SAMHD1: variants seen among roughly 807,000 people sequenced by gnomAD.
The protein encoded by SAMHD1 is deoxynucleoside triphosphate triphosphohydrolase SAMHD1.
SAMHD1 carries 54 observed loss-of-function variants against 79.6 expected under a neutral mutation model. That is an observed-to-expected ratio of 0.68 (90% CI 0.55 to 0.85). SAMHD1 has a LOEUF of 0.85. SAMHD1 is among the 40% of genes least tolerant of loss of function. The probability of loss-of-function intolerance (pLI) is 0.00; values close to 1 mark genes in which losing one functional copy is unlikely to be tolerated. For synonymous variants in SAMHD1, 260 were observed against 264.1 expected, an observed-to-expected ratio of 0.98 and a Z score of 0.15; for missense variants, 663 against 782.7, an observed-to-expected ratio of 0.85 and a Z score of 1.82.
intron 9 of SAMHD1, 186 bp downstream of exon 9, chr20:36,916,535 TG>T (rs2063476862): frequency 1.8e-6 from 1 of 563,726 alleles, no homozygotes; most frequent in African/African-American, 1.9e-5. Context: ...ACTTAATAAA[TG>T]TCCATGTTAA....
At chr20:36,904,458 T>C in intron 12 of SAMHD1, 1 of 517,878 alleles carries the variant, frequency 1.9e-6, no homozygotes, top group Non-Finnish European at 3.5e-6. Context: ...GTGGCTCACG[T>C]CTATAATCCC....
chr20:36,893,082 A>T lies in SAMHD1; in HGVS notation c.1747-16T>A, dbSNP rs749714514. 5.0e-6 allele frequency: 8 copies of T among 1,611,832 alleles called. No individual in the cohort carries two copies. Among genetic ancestry groups the T allele is most frequent in the Non-Finnish European group, 6.8e-6 (8 of 1,180,002 alleles). Reference sequence around the variant, plus strand: ...CATCGCCATCCTATTAGGAAGAGAGAGAAAAACAGGCAATAGAGAAAAGCC... The same window carrying T: ...CATCGCCATCCTATTAGGAAGAGAGTGAAAAACAGGCAATAGAGAAAAGCC... On this transcript the variant is annotated splice_polypyrimidine_tract_variant and intron_variant, in intron 15 of 15. Coordinates refer to ENST00000646673, the MANE Select transcript of SAMHD1 (RefSeq NM_015474.4).
chr20:36,931,528 T>C (rs941689660), intron 4 of SAMHD1, among the ~76,000 whole-genome samples: 5 of 152,076 alleles, frequency 3.3e-5, no homozygotes, highest in Admixed American at 2.6e-4. Context: ...TCCCAGCTAT[T>C]TGGGAGGCTG....
rs558074776 is a variant in SAMHD1, at chr20:36,935,481, C to T, written c.349-292G>A. ...ATGACTTAGTCTTTAATAAGTTTGT[C>T]TTGTATTCAAGTTAAACATGCATAT... is the stretch of plus-strand genomic sequence containing the variant. On this transcript the variant is annotated intron_variant, in intron 3 of 15. Transcript: ENST00000646673. 24 of 401,772 alleles carry T rather than the reference C, an allele frequency of 6.0e-5. No homozygotes were observed. In the Admixed American group the frequency reaches 8.6e-4, roughly 14 times the overall value. The allele number at this position is 401,772 out of a possible 1,614,324, so 24.9% of individuals were successfully genotyped here.
intron 6 of SAMHD1, among the ~76,000 whole-genome samples, chr20:36,923,591 G>C (rs1482653925): frequency 3.3e-5 from 5 of 152,018 alleles, no homozygotes; most frequent in Admixed American, 6.6e-5. Context: ...AGGAACTTAG[G>C]AGTAAGTATA....
intron 13 of SAMHD1, among the ~76,000 whole-genome samples, chr20:36,899,018 G>A (rs1267009068): frequency 5.9e-5 from 9 of 151,604 alleles, no homozygotes; most frequent in Admixed American, 4.6e-4. Context: ...TAACTGGTTC[G>A]TGACCACTCT....
chr20:36,951,187 G>A (rs2146159946), intron 1 of SAMHD1, among the ~76,000 whole-genome samples: 1 of 152,242 alleles, frequency 6.6e-6, no homozygotes, highest in East Asian at 1.9e-4. Context: ...TTCTTCCTCC[G>A]CCTCGGGGAG....
Position 36,891,694 on chromosome 20 carries a change from C to CTT in SAMHD1, c.*1236_*1237dup. On this transcript the variant is annotated 3_prime_UTR_variant, in exon 16 of 16. Transcript: ENST00000646673. ...CAGCACAGGCAGTGCAGTGTTTGTG[C>CTT]TTTTTTTTTTGGAGATGGAGTCTCA... 1 of 148,572 alleles carries CTT rather than the reference C, an allele frequency of 6.7e-6. No individual in the cohort carries two copies. Among genetic ancestry groups the CTT allele is most frequent in the East Asian group, 2.0e-4 (1 of 5,102 alleles). The allele number at this position is 148,572 out of a possible 1,614,324, so 9.2% of individuals were successfully genotyped here. A position where few individuals can be genotyped will look rare whatever the true frequency, so the allele number is the denominator to read the frequency against.
chr20:36,939,596 A>G (rs2146143086), intron 3 of SAMHD1, among the ~76,000 whole-genome samples: 1 of 118,728 alleles, frequency 8.4e-6, no homozygotes, highest in East Asian at 2.5e-4. Context: ...CTCCATCTCA[A>G]AAAAAGAAAG....
Position 36,919,430 on chromosome 20 carries a change from T to G in SAMHD1, c.786A>C (p.Glu262Asp). 6.2e-7 allele frequency: 1 copy of G among 1,613,414 alleles called. No homozygotes were observed. Among genetic ancestry groups the G allele is most frequent in the Non-Finnish European group, 8.5e-7 (1 of 1,179,486 alleles). The change falls in exon 7 of 16, where the codon GAA (glutamate) becomes GAC (aspartate). Residue 262 changes from glutamate (E) to aspartate (D), a missense_variant. By Grantham distance (45) the Glu-to-Asp change is conservative. Transcript: ENST00000646673. ...GTTCCTTTATAAAGCAAATATCTTC[T>G]TCAGGGATGAGACCATATTGTTCCA... The part of the protein sequence containing the change: ...PVMEQYGLIP[E>D]EDICFIKEQI...
At chr20:36,933,070 T>C (rs2063577954) in intron 4 of SAMHD1, among the ~76,000 whole-genome samples, 1 of 152,200 alleles carries the variant, frequency 6.6e-6, no homozygotes. Flanking sequence ...AGGCGATTGT[T>C]ATCTTTTTGT....
intron 9 of SAMHD1, among the ~76,000 whole-genome samples, chr20:36,914,230 A>T (rs1247673905): frequency 6.6e-6 from 1 of 152,176 alleles, no homozygotes; most frequent in Non-Finnish European, 1.5e-5. Flanking sequence ...TGAGACAGTA[A>T]GACCAATCCC....
At chr20:36,924,647 G>A (rs181093057) in intron 6 of SAMHD1, among the ~76,000 whole-genome samples, 3 of 152,252 alleles carry the variant, frequency 2.0e-5, no homozygotes, top group East Asian at 1.9e-4. Context: ...TCAAGGGGGC[G>A]TGACATGATT....
chr20:36,928,699 A>AG (rs2063550749), intron 5 of SAMHD1, among the ~76,000 whole-genome samples: 1 of 150,396 alleles, frequency 6.6e-6, no homozygotes, highest in Non-Finnish European at 1.5e-5. Flanking sequence ...AAAAAAAAAA[A>AG]GAAAATCCAC....
intron 4 of SAMHD1, among the ~76,000 whole-genome samples, chr20:36,933,324 T>C (rs933808374): frequency 2.0e-5 from 3 of 152,180 alleles, no homozygotes; most frequent in Non-Finnish European, 4.4e-5. Flanking sequence ...AACAGAGGCA[T>C]CGCCTTCTCT....
intron 7 of SAMHD1, among the ~76,000 whole-genome samples, chr20:36,918,814 AAAAAAAAAAAGAAAG>A (rs2146118850): frequency 6.7e-6 from 1 of 150,168 alleles, no homozygotes; most frequent in South Asian, 2.1e-4. Context: ...AAAAAAAAAA[AAAAAAAAAAAGAAAG>A]AAAGAAAGAA....
chr20:36,897,576 A>ATGT, intron 15 of SAMHD1: 1 of 553,196 alleles, frequency 1.8e-6, no homozygotes, highest in Middle Eastern at 5.0e-4. Flanking sequence ...CATTATTTAC[A>ATGT]TGTTCACATT....
chr20:36,919,950 A>C (rs905436604), intron 6 of SAMHD1, among the ~76,000 whole-genome samples: 3 of 152,064 alleles, frequency 2.0e-5, no homozygotes, highest in African/African-American at 4.8e-5. Context: ...AAAAACAAAG[A>C]TCTCCCTTGA....
intron 13 of SAMHD1, among the ~76,000 whole-genome samples, chr20:36,899,307 G>A (rs913587981): frequency 6.6e-6 from 1 of 151,358 alleles, no homozygotes; most frequent in Non-Finnish European, 1.5e-5. Flanking sequence ...GTGCACCTGT[G>A]GTTCAAGCTA....
Sources: allele counts gnomAD v4.1 joint callset (sites outside exome capture counted in the v4.1 genomes callset), GRCh38; gene constraint gnomAD v4.1.1; transcripts MANE v1.5; gene names NCBI Gene and HGNC (gene_info 2026-07-23, HGNC 2026-07-21).